The following ESR1 variants were observed in gnomAD, a reference collection of about 807,000 sequenced individuals.
The protein encoded by ESR1 is estrogen receptor.
ESR1 carries 12 observed loss-of-function variants against 52.7 expected under a neutral mutation model. The ratio of observed to expected loss-of-function variants is 0.23; its 90% CI spans 0.15 to 0.37. The LOEUF is 0.37. Ranked by LOEUF, ESR1 falls within the 10% of genes least tolerant of loss-of-function variation. The pLI, the probability that ESR1 is intolerant of heterozygous loss-of-function variation, is 1.00. For missense variants in ESR1, 584 were observed against 779.7 expected (o/e 0.75, Z 2.99); for synonymous variants, 305 against 316.8 (o/e 0.96, Z 0.39).
intron 5 of ESR1, among the ~76,000 whole-genome samples, chr6:152,036,204 A>G (rs1030444457): frequency 7.2e-5 from 11 of 152,152 alleles, no homozygotes; most frequent in Admixed American, 5.2e-4. Context: ...TACTAAAAAT[A>G]TAAAAATTAG....
At chr6:151,894,339 GTTGT>G (rs1219814626) in intron 3 of ESR1, among the ~76,000 whole-genome samples, 2 of 151,910 alleles carry the variant, frequency 1.3e-5, no homozygotes, top group Non-Finnish European at 1.5e-5. Context: ...TTCTCTGTGG[GTTGT>G]TTGTTTACTC....
chr6:151,864,577 C>T, intron 2 of ESR1, among the ~76,000 whole-genome samples: 1 of 152,132 alleles, frequency 6.6e-6, no homozygotes, highest in East Asian at 1.9e-4. Flanking sequence ...ACCCAGCCAT[C>T]CCATTACTGG....
In ESR1 at chr6:151,672,015, TAAAG is replaced by T. The variant is rs1043711349; in HGVS notation, n.73+15254_73+15257del. Among the ~76,000 whole-genome samples the T allele has an allele frequency of 1.8e-4, 28 of 152,214 alleles. No homozygotes were observed. The East Asian group carries it at 2.1e-3, about 12-fold the overall frequency. On this transcript the variant is annotated intron_variant and non_coding_transcript_variant, in intron 1 of 2. Transcript: ENST00000473497. ...AAAATATTATTTTAATTTTTATAAA[TAAAG>T]ACAGGTTCTCCCTATGTTGCCCAGG...
chr6:151,987,089 C>T (rs2040560576), intron 4 of ESR1, among the ~76,000 whole-genome samples: 1 of 151,850 alleles, frequency 6.6e-6, no homozygotes, highest in South Asian at 2.1e-4. Flanking sequence ...CATTTCCTCA[C>T]AGATTATTTC....
At chr6:151,725,021 A>G (rs1781736402) in intron 2 of ESR1, among the ~76,000 whole-genome samples, 1 of 152,184 alleles carries the variant, frequency 6.6e-6, no homozygotes, top group Non-Finnish European at 1.5e-5. Context: ...ATTCATTGAC[A>G]TTCTATGTAT....
chr6:151,775,411 T>A (rs1785874249), intron 2 of ESR1, among the ~76,000 whole-genome samples: 2 of 152,094 alleles, frequency 1.3e-5, no homozygotes, highest in Non-Finnish European at 2.9e-5. Context: ...CATTTTGAAT[T>A]TTGGATTTTT....
chr6:151,680,504 G>A (rs896963320), intron 1 of ESR1, among the ~76,000 whole-genome samples: 1 of 152,070 alleles, frequency 6.6e-6, no homozygotes, highest in Non-Finnish European at 1.5e-5. Flanking sequence ...CCGGCCAGAT[G>A]GCCACCTTCT....
At chr6:152,091,744 G>A (rs191851384) in intron 6 of ESR1, among the ~76,000 whole-genome samples, 3 of 152,098 alleles carry the variant, frequency 2.0e-5, no homozygotes, top group Non-Finnish European at 4.4e-5. Flanking sequence ...CCTTCACACC[G>A]TGCAAACAAT....
chr6:151,866,329 GTTA>G (rs1483546076), intron 2 of ESR1, among the ~76,000 whole-genome samples: 1 of 132,634 alleles, frequency 7.5e-6, no homozygotes, highest in Non-Finnish European at 1.5e-5. Flanking sequence ...TAGACTAGTA[GTTA>G]TTTCTTTTTT....
chr6:151,928,478 A>G (rs1367894023), intron 3 of ESR1, among the ~76,000 whole-genome samples: 1 of 152,144 alleles, frequency 6.6e-6, no homozygotes, highest in East Asian at 1.9e-4. Flanking sequence ...GAAAATTCAA[A>G]ATACAGTTTC....
chr6:152,031,650 G>C (rs2044717248), intron 5 of ESR1, among the ~76,000 whole-genome samples: 1 of 152,134 alleles, frequency 6.6e-6, no homozygotes, highest in South Asian at 2.1e-4. Flanking sequence ...ATAATTAATA[G>C]CTTACCAATC....
At chr6:151,915,168 CTGG>C in intron 3 of ESR1, among the ~76,000 whole-genome samples, 1 of 151,474 alleles carries the variant, frequency 6.6e-6, no homozygotes, top group Admixed American at 6.6e-5. Flanking sequence ...GCACTCCAGC[CTGG>C]CGACAGAGTG....
intron 4 of ESR1, among the ~76,000 whole-genome samples, chr6:151,992,367 C>T (rs2041107919): frequency 6.6e-6 from 1 of 152,166 alleles, no homozygotes; most frequent in Admixed American, 6.5e-5. Flanking sequence ...CTTTCTCTTT[C>T]TACGCGTTTA....
chr6:152,076,352 C>T (rs2048731725), intron 6 of ESR1, among the ~76,000 whole-genome samples: 1 of 152,218 alleles, frequency 6.6e-6, no homozygotes, highest in Non-Finnish European at 1.5e-5. Context: ...ATTCTGAATT[C>T]TGAACCCTCC....
intron 5 of ESR1, among the ~76,000 whole-genome samples, chr6:152,035,971 A>G (rs1335022440): frequency 1.3e-5 from 2 of 152,250 alleles, no homozygotes; most frequent in South Asian, 4.1e-4. Flanking sequence ...ACATAGAAAA[A>G]TACCTATCTC....
In ESR1 at chr6:152,101,383, A is replaced by G. The variant is rs2050959984; in HGVS notation, c.*2417A>G. 1 of 232,906 alleles carries G rather than the reference A, an allele frequency of 4.3e-6. No individual in the cohort carries two copies. Among genetic ancestry groups the G allele is most frequent in the African/African-American group, 2.2e-5 (1 of 45,316 alleles). 14.4% of individuals were successfully genotyped at this position (232,906 alleles called of 1,614,324 possible). On this transcript the variant is annotated 3_prime_UTR_variant, in exon 8 of 8. Coordinates refer to ENST00000206249, the MANE Select transcript of ESR1 (RefSeq NM_000125.4). ...TTTAAAAAAATTAAAATAAAACAAA[A>G]AAAAATTTCTAGGACTAGACGATGT... is the stretch of plus-strand genomic sequence containing the variant.
chr6:151,944,994 T>TTGCTTGAGCCCAGGAGCTTGAGGCCA (rs2035535571), intron 4 of ESR1, among the ~76,000 whole-genome samples: 1 of 152,142 alleles, frequency 6.6e-6, no homozygotes, highest in Non-Finnish European at 1.5e-5. Flanking sequence ...GGTGGGAGGA[T>TTGCTTGAGCCCAGGAGCTTGAGGCCA]TGCTTGAGCC....
chr6:152,068,684 C>A (rs1249006094), intron 6 of ESR1, among the ~76,000 whole-genome samples: 1 of 152,196 alleles, frequency 6.6e-6, no homozygotes, highest in African/African-American at 2.4e-5. Context: ...AATTTAAAGA[C>A]CTATGAGAAT....
chr6:151,955,080 T>C (rs1427172781), intron 4 of ESR1, among the ~76,000 whole-genome samples: 1 of 152,120 alleles, frequency 6.6e-6, no homozygotes, highest in Non-Finnish European at 1.5e-5. Context: ...ATAGCCCCAA[T>C]CTCATAAAAT....
Sources: allele counts gnomAD v4.1 joint callset (sites outside exome capture counted in the v4.1 genomes callset), GRCh38; gene constraint gnomAD v4.1.1; transcripts MANE v1.5; gene names NCBI Gene and HGNC (gene_info 2026-07-23, HGNC 2026-07-21).